Variants in NENF observed in about 807,000 individuals in gnomAD.
NENF encodes the protein neudesin.
Under a neutral mutation model 14.8 loss-of-function variants are expected in NENF, and 6 were observed. The ratio of observed to expected loss-of-function variants is 0.40; its 90% CI spans 0.22 to 0.80. The LOEUF is 0.80. NENF is among the 30% of genes least tolerant of loss of function. The pLI is 0.34. For synonymous variants in NENF, 76 were observed against 95.1 expected (o/e 0.80, Z 1.17); for missense variants, 184 against 212.7 (o/e 0.87, Z 0.84).
chr1:212,438,267 T>G (rs1662640198), intron 1 of NENF, among the ~76,000 whole-genome samples: 1 of 152,228 alleles, frequency 6.6e-6, no homozygotes, highest in Admixed American at 6.5e-5. Flanking sequence ...CACCGGTAGC[T>G]TTTGCCTTGT....
intron 1 of NENF, among the ~76,000 whole-genome samples, chr1:212,435,793 C>T (rs1009922752): frequency 1.3e-5 from 2 of 152,146 alleles, no homozygotes; most frequent in Non-Finnish European, 2.9e-5. Context: ...AACTCTTCCA[C>T]CTCAGTTTCC....
rs186250199 is a variant in NENF, at chr1:212,445,169, C to T, written c.343-661C>T. ...ACTTGGGAGGTTGAGGCAGGAGAAT[C>T]GCTCGAATCCAGGGGGCGGAGGTTA... is the stretch of plus-strand genomic sequence containing the variant. On this transcript the variant is annotated intron_variant, in intron 3 of 3. Coordinates refer to ENST00000366988, the MANE Select transcript of NENF (RefSeq NM_013349.5). 4.3e-3 allele frequency among the ~76,000 whole-genome samples: 647 copies of T among 151,938 alleles called. 5 individuals carry two copies. The highest frequency in any genetic ancestry group is 4.6e-3 in the Non-Finnish European group (315 of 68,002).
chr1:212,444,310 T>G, intron 2 of NENF, 29 bp from the exon 3 acceptor site: 1 of 1,506,092 alleles, frequency 6.6e-7, no homozygotes. Context: ...AAACCCACGC[T>G]TACGTCTCTT....
chr1:212,442,004 C>G (rs1662705685), intron 1 of NENF, among the ~76,000 whole-genome samples: 1 of 152,296 alleles, frequency 6.6e-6, no homozygotes, highest in African/African-American at 2.4e-5. Flanking sequence ...CATGAAGTTG[C>G]TTCTGTTCCT....
Position 212,433,032 on chromosome 1 carries a change from G to A in NENF, c.89G>A (p.Arg30Gln), listed in dbSNP as rs1662542943. Residue 30 changes from arginine to glutamine, a missense_variant, in exon 1 of 4, where the codon CGG becomes CAG. Physicochemically the swap from Arg to Gln is conservative, Grantham distance 43. Transcript: ENST00000366988. This position sits in a 1 kb window ranked among gnomAD's most constrained non-coding sequence, Gnocchi z 5.5. Reference sequence around the variant, plus strand: ...CTGGCCCCGGGGCTGCCCACAGCCCGGGCCGGGCAGACACCGCGCCCTGCC... The same window carrying A: ...CTGGCCCCGGGGCTGCCCACAGCCCAGGCCGGGCAGACACCGCGCCCTGCC... The part of the protein sequence containing the change: ...LALAPGLPTA[R>Q]AGQTPRPAER... 1 of 1,181,638 alleles carries A rather than the reference G, an allele frequency of 8.5e-7. No individual in the cohort carries two copies. Among genetic ancestry groups the A allele is most frequent in the Non-Finnish European group, 1.0e-6 (1 of 955,550 alleles). The allele number at this position is 1,181,638 out of a possible 1,614,324, so 73.2% of individuals were successfully genotyped here. A position where few individuals can be genotyped will look rare whatever the true frequency, so the allele number is the denominator to read the frequency against.
intron 2 of NENF, 37 bp from the exon 3 acceptor site, chr1:212,444,302 A>G: frequency 1.4e-6 from 2 of 1,449,942 alleles, no homozygotes; most frequent in South Asian, 2.6e-5. Flanking sequence ...CTGCATGTAA[A>G]CCCACGCTTA....
chr1:212,433,257 G>GC lies in NENF; in HGVS notation c.177+137_177+138insC. 2.5e-6 allele frequency: 1 copy of GC among 395,998 alleles called. No homozygotes were observed. The highest frequency in any genetic ancestry group is 4.0e-6 in the Non-Finnish European group (1 of 253,006). The allele number at this position is 395,998 out of a possible 1,614,324, so 24.5% of individuals were successfully genotyped here. On this transcript the variant is annotated intron_variant, in intron 1 of 3. Transcript: ENST00000366988. The surrounding 1 kb of genome is among the most constrained non-coding windows in gnomAD (Gnocchi z 5.5). ...CCCGCGGCGGGCGCCCTGGGCCGGC[G>GC]GGGGGCCTCCTCTCTCTAGGCCCCG...
rs1339044039 is a variant in NENF, at chr1:212,433,501, C to T, written c.177+381C>T. Among the ~76,000 whole-genome samples, 2 of 151,534 alleles carry T rather than the reference C, an allele frequency of 1.3e-5. No individual in the cohort carries two copies. The highest frequency in any genetic ancestry group is 2.1e-4 in the South Asian group (1 of 4,790). On this transcript the variant is annotated intron_variant, in intron 1 of 3. Coordinates refer to ENST00000366988, the MANE Select transcript of NENF (RefSeq NM_013349.5). The surrounding 1 kb of genome is among the most constrained non-coding windows in gnomAD (Gnocchi z 5.5). ...ACGCATAGTGGGGAGTGGCGGGGGA[C>T]GGAGGGAGGGAAGCAGAGCCTGCTC... is the stretch of plus-strand genomic sequence containing the variant.
intron 1 of NENF, among the ~76,000 whole-genome samples, chr1:212,440,908 T>G (rs1280644181): frequency 6.6e-6 from 1 of 152,168 alleles, no homozygotes; most frequent in Non-Finnish European, 1.5e-5. Context: ...CAGCAGCGAC[T>G]CCCACCCTCG....
chr1:212,445,869 G>A lies in NENF; in HGVS notation c.382G>A (p.Val128Ile). The A allele has an allele frequency of 6.2e-7, 1 of 1,614,164 alleles. No homozygotes were observed. Among genetic ancestry groups the A allele is most frequent in the Middle Eastern group, 1.6e-4 (1 of 6,062 alleles). ...TAKELEALDEVFTKVYKAKYP... is the reference protein window; with the variant it reads ...TAKELEALDEIFTKVYKAKYP... The stretch of plus-strand genomic sequence containing the variant: ...CAAGGAACTGGAGGCCCTGGATGAG[G>A]TCTTCACCAAAGTGTACAAAGCCAA... Residue 128 changes from valine to isoleucine, a missense_variant, in exon 4 of 4, where the codon GTC becomes ATC. Val to Ile is a conservative substitution (Grantham distance 29). Transcript: ENST00000366988.
rs370461082 is a variant in NENF, at chr1:212,435,715, T to A, written c.177+2595T>A. Among the ~76,000 whole-genome samples the A allele has an allele frequency of 1.4e-4, 22 of 151,834 alleles. No individual in the cohort carries two copies. The South Asian group carries it at 4.2e-3, about 29-fold the overall frequency. On this transcript the variant is annotated intron_variant, in intron 1 of 3. Coordinates refer to ENST00000366988, the MANE Select transcript of NENF (RefSeq NM_013349.5). ...GTGCACCACCACACCTGGCTATTTTTTAAATTTTCTGTAGAGATGGGGTCT... is the reference window on the plus strand; with the variant it reads ...GTGCACCACCACACCTGGCTATTTTATAAATTTTCTGTAGAGATGGGGTCT...
intron 2 of NENF, among the ~76,000 whole-genome samples, chr1:212,443,983 T>C (rs985820881): frequency 2.0e-5 from 3 of 151,420 alleles, no homozygotes; most frequent in Admixed American, 6.6e-5. Context: ...ACCCGGGAGG[T>C]GGAGATTGCA....
At position 212,439,662 on chromosome 1, in the gene NENF, G is replaced by A. The variant is rs567107006; in HGVS notation, c.178-2903G>A. 7.9e-5 allele frequency among the ~76,000 whole-genome samples: 11 copies of A among 139,338 alleles called. No individual in the cohort carries two copies. The South Asian group carries it at 2.5e-3, about 32-fold the overall frequency. The allele number at this position is 139,338 out of a possible 152,430, so 91.4% of individuals were successfully genotyped here. ...AGTTCTAGACCAGCCTGGCCAACATGGTGAAACCTGTCTCTACTAAATATA... is the reference window on the plus strand; with the variant it reads ...AGTTCTAGACCAGCCTGGCCAACATAGTGAAACCTGTCTCTACTAAATATA... On this transcript the variant is annotated intron_variant, in intron 1 of 3. Transcript: ENST00000366988.
At position 212,446,005 on chromosome 1, in the gene NENF, G is replaced by T. The variant is rs1662774137; in HGVS notation, c.518G>T (p.Ter173LeuextTer12). The change falls in exon 4 of 4, where the codon TGA becomes TTA. Residue 173 changes from the stop codon to leucine, a stop_lost. Transcript: ENST00000366988. The part of the protein sequence containing the change: ...QPHFDIKDEF[*>L] ...CATTTTGACATCAAGGATGAGTTCT[G>T]ATGTTCCCCCTGCAGGAGCAGGTTC... 6.2e-7 allele frequency: 1 copy of T among 1,614,012 alleles called. No individual in the cohort carries two copies. Among genetic ancestry groups the T allele is most frequent in the Admixed American group, 1.7e-5 (1 of 60,004 alleles).
chr1:212,435,547 CTTTT>C (rs58631608), intron 1 of NENF, among the ~76,000 whole-genome samples: 8 of 132,840 alleles, frequency 6.0e-5, no homozygotes, highest in Non-Finnish European at 9.6e-5. Flanking sequence ...AGTTTTTTTC[CTTTT>C]TTTTTTTTTT....
At chr1:212,437,070 AT>A (rs563430970) in intron 1 of NENF, among the ~76,000 whole-genome samples, 6 of 152,140 alleles carry the variant, frequency 3.9e-5, no homozygotes, top group African/African-American at 1.4e-4. Flanking sequence ...AGCTACTATT[AT>A]TTTTTATTAC....
At chr1:212,445,658 C>T (rs775871981) in intron 3 of NENF, among the ~76,000 whole-genome samples, 172 bp from the exon 4 acceptor site, 6 of 148,092 alleles carry the variant, frequency 4.1e-5, no homozygotes, top group African/African-American at 7.5e-5. Context: ...CCCACCCCCA[C>T]GCCCCCCCCA....
chr1:212,440,043 G>A (rs1662676369), intron 1 of NENF, among the ~76,000 whole-genome samples: 1 of 152,022 alleles, frequency 6.6e-6, no homozygotes, highest in Non-Finnish European at 1.5e-5. Flanking sequence ...CTTGAGGTTA[G>A]GAGTTTGAGA....
chr1:212,435,540 T>A (rs939027404), intron 1 of NENF, among the ~76,000 whole-genome samples: 2 of 147,304 alleles, frequency 1.4e-5, no homozygotes, highest in African/African-American at 4.9e-5. Flanking sequence ...AAACTACAGT[T>A]TTTTTCCTTT....
Sources: gnomAD v4.1 joint callset for allele counts (sites outside exome capture counted in the v4.1 genomes callset) on GRCh38, gnomAD v4.1.1 for gene constraint, Gnocchi (gnomAD v3.1) non-coding constraint, MANE v1.5 for transcripts, NCBI Gene and HGNC (gene_info 2026-07-23, HGNC 2026-07-21) for gene names.